The following MRPL47 variants were observed in gnomAD, a reference collection of about 807,000 sequenced individuals.
MRPL47 encodes mitochondrial ribosomal protein L47.
MRPL47 carries 31 observed loss-of-function variants against 34.0 expected under a neutral mutation model. That is an observed-to-expected ratio of 0.91 (90% CI 0.68 to 1.23). The LOEUF (loss-of-function observed/expected upper bound fraction) is 1.23. MRPL47 is among the 50% of genes most tolerant of loss of function. The pLI, the probability that MRPL47 is intolerant of heterozygous loss-of-function variation, is 0.00. For missense variants in MRPL47, 328 were observed against 285.8 expected (o/e 1.15, Z -1.07); for synonymous variants, 106 against 101.6 (o/e 1.04, Z -0.26).
intron 3 of MRPL47, among the ~76,000 whole-genome samples, chr3:179,600,880 T>C (rs1718911667): frequency 6.6e-6 from 1 of 152,144 alleles, no homozygotes; most frequent in African/African-American, 2.4e-5. Flanking sequence ...TAATATTTTC[T>C]GTGTGAAACT....
rs1039253754 is a variant in MRPL47 at position 179,592,247 on chromosome 3, T to G, written c.629+397A>C. ...TCTCACTCTGTCACCCAGGCTAGAG[T>G]GCAGTGGCGCGATCTCTGCTCACTG... On this transcript the variant is annotated intron_variant, in intron 6 of 6. Coordinates refer to ENST00000476781, the MANE Select transcript of MRPL47 (RefSeq NM_020409.3). 2.0e-4 allele frequency among the ~76,000 whole-genome samples: 31 copies of G among 152,330 alleles called. 1 individual carries two copies. Among genetic ancestry groups the G allele is most frequent in the Non-Finnish European group, 3.5e-4 (24 of 68,030 alleles).
At chr3:179,599,106 C>T (rs1349238028) in intron 3 of MRPL47, among the ~76,000 whole-genome samples, 1 of 150,938 alleles carries the variant, frequency 6.6e-6, no homozygotes, top group Non-Finnish European at 1.5e-5. Context: ...GAATTTGAGG[C>T]TATAGTGGGC....
intron 4 of MRPL47, 73 bp downstream of exon 4, chr3:179,598,602 A>C: frequency 1.0e-6 from 1 of 972,378 alleles, no homozygotes; most frequent in Non-Finnish European, 1.7e-6. Context: ...TTGACAAGAA[A>C]TACAGGAACC....
At chr3:179,593,980 C>T (rs1178991406) in intron 4 of MRPL47, 85 bp from the exon 5 acceptor site, 5 of 1,277,878 alleles carry the variant, frequency 3.9e-6, no homozygotes, top group Non-Finnish European at 5.4e-6. Flanking sequence ...ACTTCTGCTA[C>T]AGAAAACTTA....
chr3:179,590,356 AAG>A (rs1333744549), intron 6 of MRPL47, among the ~76,000 whole-genome samples: 2 of 152,240 alleles, frequency 1.3e-5, no homozygotes, highest in African/African-American at 4.8e-5. Flanking sequence ...AAAAGAAAAA[AAG>A]TGATTTATAA....
chr3:179,594,060 C>T (rs931855749), intron 4 of MRPL47, among the ~76,000 whole-genome samples, 165 bp from the exon 5 acceptor site: 2 of 152,200 alleles, frequency 1.3e-5, no homozygotes, highest in Non-Finnish European at 2.9e-5. Flanking sequence ...AGTATGTCTA[C>T]ATGGGTGTCT....
In MRPL47 at chr3:179,593,888, T is replaced by A. The variant is rs202176456; in HGVS notation, c.410A>T (p.Asp137Val). Reference protein sequence around the residue: ...PSPERLDKVVDSMDALDKVVQ... With the variant: ...PSPERLDKVVVSMDALDKVVQ... ...AACTTTATCTAATGCATCCATGGAA[T>A]CTACTACCTGAAAAGAGAATAGAAA... Residue 137 changes from aspartate to valine, a missense_variant, in exon 5 of 7, where the codon GAT (aspartate) becomes GTT (valine). Asp to Val is a radical substitution (Grantham distance 152). Coordinates refer to ENST00000476781, the MANE Select transcript of MRPL47 (RefSeq NM_020409.3). The A allele has an allele frequency of 2.9e-5, 47 of 1,610,688 alleles. No homozygotes were observed. In the East Asian group the frequency reaches 9.8e-4, roughly 34 times the overall value.
At chr3:179,600,721 A>C (rs1718908040) in intron 3 of MRPL47, among the ~76,000 whole-genome samples, 1 of 152,176 alleles carries the variant, frequency 6.6e-6, no homozygotes, top group South Asian at 2.1e-4. Context: ...AGACATAGTG[A>C]AAGAACCACA....
At chr3:179,591,775 G>A (rs1718678334) in intron 6 of MRPL47, among the ~76,000 whole-genome samples, 1 of 152,060 alleles carries the variant, frequency 6.6e-6, no homozygotes, top group Non-Finnish European at 1.5e-5. Flanking sequence ...TACAAGAATA[G>A]AAAGGCAATA....
chr3:179,592,311 C>G (rs2108378951), intron 6 of MRPL47, among the ~76,000 whole-genome samples: 1 of 152,318 alleles, frequency 6.6e-6, no homozygotes, highest in Admixed American at 6.5e-5. Context: ...TCTCCTGCCT[C>G]AGCCTCCCAA....
intron 4 of MRPL47, among the ~76,000 whole-genome samples, chr3:179,597,526 C>T (rs898571499): frequency 2.0e-5 from 3 of 152,008 alleles, no homozygotes; most frequent in South Asian, 2.1e-4. Flanking sequence ...CCTAAGTCTT[C>T]GGCCAGGCAC....
Position 179,588,696 on chromosome 3 carries a change from GCAAATTAGCTTCTAC to G in MRPL47, c.*161_*175del, listed in dbSNP as rs750686077. The G allele has an allele frequency of 8.0e-6, 4 of 500,258 alleles. No individual in the cohort carries two copies. Among genetic ancestry groups the G allele is most frequent in the African/African-American group, 1.9e-5 (1 of 51,828 alleles). The allele number at this position is 500,258 out of a possible 1,614,324, so 31.0% of individuals were successfully genotyped here. On this transcript the variant is annotated 3_prime_UTR_variant, in exon 7 of 7. Transcript: ENST00000476781. Reference sequence around the variant, plus strand: ...TGAACTTTATACCTGATTTTTAGAAGCAAATTAGCTTCTACCAAATTAGCTAATTAGCATGCCATA... The same window carrying G: ...TGAACTTTATACCTGATTTTTAGAAGCAAATTAGCTAATTAGCATGCCATA...
chr3:179,588,541 C>CTAT lies in MRPL47; in HGVS notation c.*328_*330dup, dbSNP rs1553778833. ...TAGCCTATTAACAACAGAGGTAAAACTATTATTCAAATTCAAAAACTACGG... is the reference window on the plus strand; with the variant it reads ...TAGCCTATTAACAACAGAGGTAAAACTATTATTATTCAAATTCAAAAACTACGG... On this transcript the variant is annotated 3_prime_UTR_variant, in exon 7 of 7. Transcript: ENST00000476781. 18 of 200,620 alleles carry CTAT rather than the reference C, an allele frequency of 9.0e-5. No homozygotes were observed. Among genetic ancestry groups the CTAT allele is most frequent in the Admixed American group, 8.5e-4 (16 of 18,802 alleles). The allele number at this position is 200,620 out of a possible 1,614,324, so 12.4% of individuals were successfully genotyped here. A position where few individuals can be genotyped will look rare whatever the true frequency, so the allele number is the denominator to read the frequency against.
intron 4 of MRPL47, among the ~76,000 whole-genome samples, chr3:179,597,997 T>C (rs1446794899): frequency 1.3e-5 from 2 of 152,164 alleles, no homozygotes; most frequent in African/African-American, 4.8e-5. Flanking sequence ...GAACTACAAA[T>C]GTAAAGTGGT....
chr3:179,603,979 G>GAAAAA (rs999753831), intron 1 of MRPL47, among the ~76,000 whole-genome samples: 2 of 88,720 alleles, frequency 2.3e-5, no homozygotes, highest in African/African-American at 4.6e-5. Context: ...ACAACATTAA[G>GAAAAA]AAAAAAAAAA....
intron 4 of MRPL47, among the ~76,000 whole-genome samples, chr3:179,598,426 A>ACACACACACACACAC (rs1553779586): frequency 4.2e-5 from 6 of 142,324 alleles, no homozygotes; most frequent in Admixed American, 7.1e-5. Context: ...ACACACACAC[A>ACACACACACACACAC]AACAAAAAAA....
intron 3 of MRPL47, among the ~76,000 whole-genome samples, chr3:179,601,323 C>G (rs1253990625): frequency 2.0e-5 from 3 of 152,154 alleles, no homozygotes; most frequent in Non-Finnish European, 4.4e-5. Flanking sequence ...TGGGGGATCA[C>G]TTGAGCCCAG....
chr3:179,591,890 T>C (rs1395958411), intron 6 of MRPL47, among the ~76,000 whole-genome samples: 2 of 152,118 alleles, frequency 1.3e-5, no homozygotes, highest in Non-Finnish European at 2.9e-5. Context: ...TGGAGTGCAG[T>C]GGTGCAATCT....
At chr3:179,601,030 A>G (rs1718914578) in intron 3 of MRPL47, among the ~76,000 whole-genome samples, 1 of 152,184 alleles carries the variant, frequency 6.6e-6, no homozygotes, top group African/African-American at 2.4e-5. Context: ...TAAATTCTCA[A>G]TTAAATGCAT....
Sources: allele counts gnomAD v4.1 joint callset (sites outside exome capture counted in the v4.1 genomes callset), GRCh38; gene constraint gnomAD v4.1.1; transcripts MANE v1.5; gene names NCBI Gene and HGNC (gene_info 2026-07-23, HGNC 2026-07-21).